UBN1: variants seen among roughly 807,000 people sequenced by gnomAD.
UBN1 encodes ubinuclein-1.
A neutral mutation model predicts 108.5 loss-of-function variants in UBN1; 17 were observed. The observed-to-expected ratio is 0.16, with a 90% CI of 0.11 to 0.24. The LOEUF is 0.24. UBN1 is among the 10% of genes least tolerant of loss of function. The pLI is 1.00. For synonymous variants in UBN1, 726 were observed against 564.2 expected (o/e 1.29, Z -4.07); for missense variants, 1,595 against 1,394.4 (o/e 1.14, Z -2.29).
chr16:4,855,515 C>G (rs1212294020), intron 2 of UBN1, among the ~76,000 whole-genome samples: 1 of 148,844 alleles, frequency 6.7e-6, no homozygotes, highest in Non-Finnish European at 1.5e-5. Flanking sequence ...ACTCAGAAAG[C>G]TGAGGTGGGA....
rs749749973 is a variant in UBN1 at position 4,870,351 on chromosome 16, T to A, written c.1311+10T>A. On this transcript the variant is annotated intron_variant, in intron 9 of 17. Transcript: ENST00000262376. ...TCACCTCTATGAACAGGTGGGTGAC[T>A]CTAGAGTGAAGCCCTTTGGCTTTGG... is the stretch of plus-strand genomic sequence containing the variant. 2.5e-6 allele frequency: 4 copies of A among 1,613,724 alleles called. No homozygotes were observed. In the African/African-American group the frequency reaches 5.3e-5, roughly 22 times the overall value.
chr16:4,870,649 G>A lies in UBN1; in HGVS notation c.1430+15G>A. 1 of 1,613,940 alleles carries A rather than the reference G, an allele frequency of 6.2e-7. No homozygotes were observed. Among genetic ancestry groups the A allele is most frequent in the South Asian group, 1.1e-5 (1 of 91,068 alleles). On this transcript the variant is annotated intron_variant, in intron 10 of 17. Transcript: ENST00000262376. ...AAGGTTGCCAAGTAAGTTTGTCCTGGCGCTTGCAGGTGCAACCCTCCCGTC... is the reference window on the plus strand; with the variant it reads ...AAGGTTGCCAAGTAAGTTTGTCCTGACGCTTGCAGGTGCAACCCTCCCGTC...
chr16:4,858,237 C>CTT (rs1191419142), intron 3 of UBN1, among the ~76,000 whole-genome samples, 161 bp downstream of exon 3: 24 of 152,110 alleles, frequency 1.6e-4, no homozygotes, highest in Non-Finnish European at 5.9e-5. Flanking sequence ...CATTAAGGTA[C>CTT]AGAAAAGGGG....
Position 4,877,024 on chromosome 16 carries a change from G to C in UBN1, c.3178G>C (p.Ala1060Pro), listed in dbSNP as rs780621831. Residue 1060 changes from alanine to proline, a missense_variant, in exon 16 of 18, where the codon GCT becomes CCT. Ala to Pro is a conservative substitution (Grantham distance 27). This residue lies in a region of UBN1 where 1,398 missense variants were observed against 1,194.7 expected (regional missense o/e 1.17). Coordinates refer to ENST00000262376, the MANE Select transcript of UBN1 (RefSeq NM_001079514.3). This position sits in a 1 kb window ranked among gnomAD's most constrained non-coding sequence, Gnocchi z 4.3. ...PIPVHVLSFSADSSAKAGVSK... is the reference protein window; with the variant it reads ...PIPVHVLSFSPDSSAKAGVSK... ...TCCTGTCCATGTGCTCTCCTTCAGC[G>C]CTGACTCCTCTGCCAAAGCAGGGGT... 1.9e-6 allele frequency: 3 copies of C among 1,614,060 alleles called. No homozygotes were observed. Among genetic ancestry groups the C allele is most frequent in the Admixed American group, 3.3e-5 (2 of 60,006 alleles).
chr16:4,873,901 A>G (rs552375987), intron 14 of UBN1, among the ~76,000 whole-genome samples: 1 of 152,344 alleles, frequency 6.6e-6, no homozygotes, highest in South Asian at 2.1e-4. Context: ...TAGGCAGAGT[A>G]TCTCTTCACG....
At chr16:4,851,598 C>T (rs928544380) in intron 1 of UBN1, among the ~76,000 whole-genome samples, 8 of 151,790 alleles carry the variant, frequency 5.3e-5, no homozygotes, top group South Asian at 2.1e-4. Flanking sequence ...GAAGGAGGGT[C>T]GCTTGAGGTT....
intron 8 of UBN1, 70 bp from the exon 9 acceptor site, chr16:4,870,142 G>T: frequency 6.2e-7 from 1 of 1,601,428 alleles, no homozygotes; most frequent in South Asian, 1.1e-5. Context: ...TCCTCTCCAC[G>T]TACGGTGAGC....
At chr16:4,853,608 A>T (rs1211501135) in intron 2 of UBN1, among the ~76,000 whole-genome samples, 1 of 148,400 alleles carries the variant, frequency 6.7e-6, no homozygotes, top group African/African-American at 2.5e-5. Flanking sequence ...TCCAGGCTGG[A>T]ATGCAATGGG....
intron 1 of UBN1, 145 bp from the exon 2 acceptor site, chr16:4,852,734 A>C: frequency 1.2e-6 from 1 of 869,038 alleles, no homozygotes; most frequent in Non-Finnish European, 1.7e-6. Context: ...TAGGATGAAT[A>C]AGCAGAAAAA....
At chr16:4,858,703 C>T (rs2086917419) in intron 4 of UBN1, 40 bp downstream of exon 4, 9 of 1,587,848 alleles carry the variant, frequency 5.7e-6, no homozygotes, top group Non-Finnish European at 7.8e-6. Flanking sequence ...ACCCACTGTA[C>T]CTGTAGCTCC....
Position 4,858,005 on chromosome 16 carries a change from G to T in UBN1, c.265G>T (p.Asp89Tyr), listed in dbSNP as rs759350110. ...CTCTTTACAGAAGAAAGATCTGTCAGATCCTTTCAATGACGAAGAAAAGGA... is the reference window on the plus strand; with the variant it reads ...CTCTTTACAGAAGAAAGATCTGTCATATCCTTTCAATGACGAAGAAAAGGA... ...QPGDKKKDLS[D>Y]PFNDEEKERH... Residue 89 changes from aspartate (D) to tyrosine (Y), a missense_variant, in exon 3 of 18, where the codon GAT (aspartate) becomes TAT (tyrosine). This residue lies in a region of UBN1 where 181 missense variants were observed against 157.3 expected (regional missense o/e 1.15). Transcript: ENST00000262376. The T allele has an allele frequency of 1.9e-6, 3 of 1,612,686 alleles. No individual in the cohort carries two copies. The highest frequency in any genetic ancestry group is 4.5e-5 in the East Asian group (2 of 44,870).
intron 7 of UBN1, among the ~76,000 whole-genome samples, chr16:4,865,034 C>G (rs182910568): frequency 1.3e-5 from 2 of 152,256 alleles, no homozygotes; most frequent in Admixed American, 6.5e-5. Flanking sequence ...GCTGTTGGAA[C>G]TCTTATAAAT....
intron 7 of UBN1, among the ~76,000 whole-genome samples, chr16:4,868,455 T>G (rs1455749401): frequency 6.6e-6 from 1 of 152,166 alleles, no homozygotes; most frequent in Non-Finnish European, 1.5e-5. Flanking sequence ...CTGGTTGAAG[T>G]TCTTGAATAT....
chr16:4,871,602 T>C (rs1269611026), intron 12 of UBN1, among the ~76,000 whole-genome samples: 1 of 102,778 alleles, frequency 9.7e-6, no homozygotes, highest in African/African-American at 3.8e-5. Context: ...TTTTTTTTTT[T>C]TTGAGATGGA....
At chr16:4,866,929 A>G (rs910870895) in intron 7 of UBN1, among the ~76,000 whole-genome samples, 1 of 152,242 alleles carries the variant, frequency 6.6e-6, no homozygotes, top group Non-Finnish European at 1.5e-5. Context: ...GGACGGCCAG[A>G]TAGCCGGACT....
intron 7 of UBN1, among the ~76,000 whole-genome samples, chr16:4,862,319 A>C (rs1175854104): frequency 2.6e-5 from 4 of 152,260 alleles, no homozygotes; most frequent in African/African-American, 4.8e-5. Flanking sequence ...ATACAAAGCA[A>C]ATAAAGTATC....
chr16:4,858,954 TC>T lies in UBN1; in HGVS notation c.433-70del, dbSNP rs765033680. On this transcript the variant is annotated intron_variant, in intron 4 of 17. Coordinates refer to ENST00000262376, the MANE Select transcript of UBN1 (RefSeq NM_001079514.3). ...GCAGAGGAGCACAGTCACATCTCTC[TC>T]GAGACCCACTTTGCACCTTCGGACT... 7 of 1,570,830 alleles carry T rather than the reference TC, an allele frequency of 4.5e-6. No individual in the cohort carries two copies. In the South Asian group the frequency reaches 7.2e-5, roughly 16 times the overall value.
intron 7 of UBN1, among the ~76,000 whole-genome samples, chr16:4,865,942 A>G (rs1185595284): frequency 1.3e-5 from 2 of 152,200 alleles, no homozygotes; most frequent in Non-Finnish European, 2.9e-5. Flanking sequence ...AGCCTGGGCA[A>G]CAGAACAAGA....
chr16:4,853,245 G>T, intron 2 of UBN1, 79 bp downstream of exon 2: 1 of 1,532,874 alleles, frequency 6.5e-7, no homozygotes, highest in Non-Finnish European at 8.7e-7. Flanking sequence ...TCCGTAGCGG[G>T]GAAGCAAGAC....
Sources: gnomAD v4.1 joint callset for allele counts (sites outside exome capture counted in the v4.1 genomes callset) on GRCh38, gnomAD v4.1.1 for gene constraint, gnomAD v4.1.1 regional missense constraint, Gnocchi (gnomAD v3.1) non-coding constraint, MANE v1.5 for transcripts, NCBI Gene and HGNC (gene_info 2026-07-23, HGNC 2026-07-21) for gene names.